The following EPHA6 variants were observed in gnomAD, a reference collection of about 807,000 sequenced individuals.
EPHA6 encodes the protein EPH receptor A6, also known as ephrin type-A receptor 6.
EPHA6 carries 50 observed loss-of-function variants against 112.0 expected under a neutral mutation model. The observed-to-expected ratio is 0.45, with a 90% CI of 0.36 to 0.56. EPHA6 has a LOEUF of 0.56. Ranked by LOEUF, EPHA6 falls within the 20% of genes least tolerant of loss-of-function variation. EPHA6 has a pLI of 0.00. For synonymous variants in EPHA6, 529 were observed against 490.7 expected (o/e 1.08, Z -1.03); for missense variants, 1,280 against 1,417.4 (o/e 0.90, Z 1.56).
chr3:97,205,416 C>T lies in EPHA6; in HGVS notation c.1115-20848C>T, dbSNP rs998311473. 4.0e-5 allele frequency among the ~76,000 whole-genome samples: 6 copies of T among 151,694 alleles called. No homozygotes were observed. In the South Asian group the frequency reaches 6.2e-4, roughly 16 times the overall value. ...AGTATTATACTATACATTTTAAATT[C>T]GATTTTTTGGGAAATGGCAATTCAT... On this transcript the variant is annotated intron_variant, in intron 3 of 17. Transcript: ENST00000389672.
intron 2 of EPHA6, among the ~76,000 whole-genome samples, chr3:96,983,035 G>A (rs2042865206): frequency 6.6e-6 from 1 of 152,134 alleles, no homozygotes; most frequent in Non-Finnish European, 1.5e-5. Context: ...TTTAATTGGA[G>A]CATTTAGCCC....
intron 9 of EPHA6, among the ~76,000 whole-genome samples, chr3:97,480,029 A>T (rs1428393891): frequency 6.6e-6 from 1 of 152,188 alleles, no homozygotes; most frequent in Non-Finnish European, 1.5e-5. Flanking sequence ...GATGTTCTCT[A>T]ATTAACCACA....
At chr3:96,936,851 C>G (rs1172630405) in intron 2 of EPHA6, among the ~76,000 whole-genome samples, 1 of 152,026 alleles carries the variant, frequency 6.6e-6, no homozygotes, top group Admixed American at 6.6e-5. Context: ...TGAGTGAGAA[C>G]ATGTGGTGTT....
intron 5 of EPHA6, among the ~76,000 whole-genome samples, chr3:97,279,729 G>C (rs2080221535): frequency 1.3e-5 from 2 of 152,160 alleles, no homozygotes; most frequent in Non-Finnish European, 2.9e-5. Flanking sequence ...CTGAAGACAT[G>C]AATGACATTT....
At chr3:97,581,042 A>T (rs1050763469) in intron 11 of EPHA6, among the ~76,000 whole-genome samples, 1 of 152,208 alleles carries the variant, frequency 6.6e-6, no homozygotes. Flanking sequence ...ATCCCTAGCT[A>T]TGTGCCTCCC....
chr3:97,655,372 A>G (rs370269014), intron 14 of EPHA6, among the ~76,000 whole-genome samples: 1 of 151,796 alleles, frequency 6.6e-6, no homozygotes, highest in Non-Finnish European at 1.5e-5. Context: ...ACTCCCTTCA[A>G]TCTCTTACCT....
intron 6 of EPHA6, among the ~76,000 whole-genome samples, chr3:97,430,492 C>G (rs1488983844): frequency 6.6e-6 from 1 of 152,032 alleles, no homozygotes; most frequent in Non-Finnish European, 1.5e-5. Context: ...ACAAATACCT[C>G]TGCTAGGTAC....
At chr3:97,338,427 T>C (rs1042952817) in intron 5 of EPHA6, among the ~76,000 whole-genome samples, 7 of 152,132 alleles carry the variant, frequency 4.6e-5, no homozygotes, top group Admixed American at 2.0e-4. Flanking sequence ...CACCAGATCA[T>C]ATGGCTACAT....
At chr3:97,238,711 G>C (rs1181386157) in intron 4 of EPHA6, among the ~76,000 whole-genome samples, 1 of 151,844 alleles carries the variant, frequency 6.6e-6, no homozygotes, top group African/African-American at 2.4e-5. Flanking sequence ...ACAGACGATA[G>C]CAAGGAGTTG....
intron 11 of EPHA6, among the ~76,000 whole-genome samples, chr3:97,585,993 T>C (rs927190181): frequency 3.9e-5 from 6 of 152,228 alleles, no homozygotes; most frequent in African/African-American, 1.4e-4. Context: ...CTAAGCCAAA[T>C]TGAAAATTAG....
rs1379076552 is a variant in EPHA6 at position 97,589,462 on chromosome 3, A to C, written c.2387-3150A>C. ...TATTAACTAGCAACTTTTTAAGATA[A>C]TAATAATAATAATTCTTTACTAACG... is the stretch of plus-strand genomic sequence containing the variant. On this transcript the variant is annotated intron_variant, in intron 11 of 17. Transcript: ENST00000389672. Among the ~76,000 whole-genome samples, 11 of 151,030 alleles carry C rather than the reference A, an allele frequency of 7.3e-5. No individual in the cohort carries two copies. The East Asian group carries it at 2.1e-3, about 29-fold the overall frequency.
intron 4 of EPHA6, among the ~76,000 whole-genome samples, chr3:97,243,108 G>A (rs1188455690): frequency 1.3e-5 from 2 of 151,770 alleles, no homozygotes; most frequent in Non-Finnish European, 2.9e-5. Flanking sequence ...CACTCTACAC[G>A]GTGTGATCTT....
intron 1 of EPHA6, among the ~76,000 whole-genome samples, chr3:96,838,794 A>C (rs558541047): frequency 2.6e-4 from 40 of 152,212 alleles, no homozygotes; most frequent in African/African-American, 8.9e-4. Flanking sequence ...TGCAGTTTCA[A>C]GTACTTATAT....
chr3:97,172,179 A>G (rs1415938303), intron 3 of EPHA6, among the ~76,000 whole-genome samples: 1 of 152,078 alleles, frequency 6.6e-6, no homozygotes, highest in Non-Finnish European at 1.5e-5. Flanking sequence ...AAAAGAGTGT[A>G]TAGTGACCTA....
rs942409647 is a variant in EPHA6, at chr3:97,623,475, G to T, written c.2574+12621G>T. Among the ~76,000 whole-genome samples the T allele has an allele frequency of 3.3e-5, 5 of 151,510 alleles. No homozygotes were observed. The Admixed American group carries it at 3.3e-4, about 10-fold the overall frequency. On this transcript the variant is annotated intron_variant, in intron 13 of 17. Coordinates refer to ENST00000389672, the MANE Select transcript of EPHA6 (RefSeq NM_001080448.3). ...CAGATTGGATAATTAATAAATAATA[G>T]AAATTTATTTCTCACAGTTCTGGAA...
intron 2 of EPHA6, among the ~76,000 whole-genome samples, chr3:96,939,110 G>T (rs1292239537): frequency 6.6e-6 from 1 of 152,190 alleles, no homozygotes; most frequent in Non-Finnish European, 1.5e-5. Context: ...TCAGGATGAT[G>T]CTGGCCTCAT....
rs148279577 is a variant in EPHA6, at chr3:96,968,388, GCACACACACACA to G, written c.451-18925_451-18914del. 4.9e-5 allele frequency among the ~76,000 whole-genome samples: 7 copies of G among 143,608 alleles called. 1 individual carries two copies. The highest frequency in any genetic ancestry group is 3.5e-3 in the Middle Eastern group (1 of 282). 94.2% of individuals were successfully genotyped at this position (143,608 alleles called of 152,430 possible). A position where few individuals can be genotyped will look rare whatever the true frequency, so the allele number is the denominator to read the frequency against. ...AACTACCATAGAGAAAATGGTAAAA[GCACACACACACA>G]CACACACACACACACATTCTATGTA... On this transcript the variant is annotated intron_variant, in intron 2 of 17. Transcript: ENST00000389672.
At chr3:97,372,049 G>T (rs148483334) in intron 5 of EPHA6, among the ~76,000 whole-genome samples, 1 of 151,962 alleles carries the variant, frequency 6.6e-6, no homozygotes, top group Non-Finnish European at 1.5e-5. Flanking sequence ...CTGTGATCTC[G>T]CCCTGCCTTC....
chr3:97,510,005 T>G (rs965531548), intron 10 of EPHA6, among the ~76,000 whole-genome samples: 1 of 152,236 alleles, frequency 6.6e-6, no homozygotes, highest in Admixed American at 6.5e-5. Flanking sequence ...GTACACTTCA[T>G]GAACTTCTTG....
Sources: allele counts gnomAD v4.1 joint callset (sites outside exome capture counted in the v4.1 genomes callset), GRCh38; gene constraint gnomAD v4.1.1; transcripts MANE v1.5; gene names NCBI Gene and HGNC (gene_info 2026-07-23, HGNC 2026-07-21).